Variants in DOCK3 observed in about 807,000 individuals in gnomAD.
DOCK3 encodes the protein dedicator of cytokinesis protein 3.
DOCK3 carries 60 observed loss-of-function variants against 265.6 expected under a neutral mutation model. The ratio of observed to expected loss-of-function variants is 0.23; its 90% CI spans 0.18 to 0.28. The LOEUF (loss-of-function observed/expected upper bound fraction) is 0.28. DOCK3 is among the 10% of genes least tolerant of loss of function. The pLI, the probability that DOCK3 is intolerant of heterozygous loss-of-function variation, is 1.00. For missense variants in DOCK3, 1,981 were observed against 2,594.3 expected, an observed-to-expected ratio of 0.76 and a Z score of 5.14; for synonymous variants, 881 against 938.0, an observed-to-expected ratio of 0.94 and a Z score of 1.11.
At chr3:51,110,709 G>A (rs2083476804) in intron 9 of DOCK3, among the ~76,000 whole-genome samples, 1 of 152,138 alleles carries the variant, frequency 6.6e-6, no homozygotes, top group Non-Finnish European at 1.5e-5. Flanking sequence ...AGCCATCTAT[G>A]ACAAACCCAC....
intron 43 of DOCK3, 69 bp from the exon 44 acceptor site, chr3:51,356,893 C>A: frequency 6.7e-7 from 1 of 1,499,670 alleles, no homozygotes; most frequent in Non-Finnish European, 8.9e-7. Flanking sequence ...TCTTAGACCC[C>A]AGCTCTCAGG....
At chr3:50,742,651 G>T (rs1160667995) in intron 1 of DOCK3, among the ~76,000 whole-genome samples, 4 of 151,492 alleles carry the variant, frequency 2.6e-5, no homozygotes, top group Non-Finnish European at 5.9e-5. Context: ...AGAGAAAAAA[G>T]AATAAAAAGA....
intron 23 of DOCK3, among the ~76,000 whole-genome samples, chr3:51,269,094 A>T (rs929906961): frequency 5.5e-4 from 78 of 141,106 alleles, no homozygotes; most frequent in South Asian, 8.9e-4. Context: ...GAGTTTCACA[A>T]CTCTCTCTCT....
At chr3:50,694,289 AT>A (rs566162941) in intron 1 of DOCK3, among the ~76,000 whole-genome samples, 143 of 152,264 alleles carry the variant, frequency 9.4e-4, no homozygotes, top group African/African-American at 3.3e-3. Flanking sequence ...TAAAAAAAAA[AT>A]AAAAATAAAA....
intron 10 of DOCK3, among the ~76,000 whole-genome samples, chr3:51,156,153 T>A (rs2085841126): frequency 2.0e-5 from 3 of 152,226 alleles, no homozygotes. Context: ...ATGAATAAGC[T>A]GGTTTTATTT....
At chr3:51,227,542 A>G (rs751210106) in intron 16 of DOCK3, 97 bp downstream of exon 16, 15 of 1,520,096 alleles carry the variant, frequency 9.9e-6, no homozygotes, top group Non-Finnish European at 1.3e-5. Context: ...TTTGGGCAAG[A>G]AAATGAAGAG....
intron 4 of DOCK3, among the ~76,000 whole-genome samples, chr3:50,899,110 C>G (rs191527731): frequency 9.2e-5 from 14 of 152,268 alleles, no homozygotes; most frequent in African/African-American, 3.4e-4. Flanking sequence ...GTGTGGGAGT[C>G]TAAGTCTCTT....
At chr3:50,802,385 G>A (rs1433876720) in intron 2 of DOCK3, among the ~76,000 whole-genome samples, 5 of 151,906 alleles carry the variant, frequency 3.3e-5, no homozygotes, top group African/African-American at 7.3e-5. Flanking sequence ...ATGTTTTATC[G>A]ATGGTGGTTA....
chr3:51,169,800 G>A (rs1560155869), intron 12 of DOCK3, among the ~76,000 whole-genome samples: 1 of 151,772 alleles, frequency 6.6e-6, no homozygotes, highest in Non-Finnish European at 1.5e-5. Flanking sequence ...TCTTAATGTG[G>A]TACGTCACAT....
At chr3:51,319,384 C>T (rs1161650563) in intron 32 of DOCK3, among the ~76,000 whole-genome samples, 4 of 126,614 alleles carry the variant, frequency 3.2e-5, no homozygotes, top group Non-Finnish European at 3.3e-5. Context: ...GTGCAAAATG[C>T]ACAACACTTG....
At chr3:50,975,535 C>T (rs1166228907) in intron 5 of DOCK3, among the ~76,000 whole-genome samples, 8 of 151,294 alleles carry the variant, frequency 5.3e-5, no homozygotes, top group Non-Finnish European at 1.5e-5. Context: ...CTGCTGGATT[C>T]GTTTTGCCAG....
intron 12 of DOCK3, among the ~76,000 whole-genome samples, chr3:51,189,418 C>T (rs1271698414): frequency 6.6e-6 from 1 of 151,088 alleles, no homozygotes; most frequent in Non-Finnish European, 1.5e-5. Context: ...CTCTCTCCCA[C>T]CCTCCCCTTT....
chr3:51,048,872 A>C (rs564076434), intron 5 of DOCK3, among the ~76,000 whole-genome samples: 7 of 151,724 alleles, frequency 4.6e-5, no homozygotes, highest in African/African-American at 1.5e-4. Flanking sequence ...CAAAAAAAAA[A>C]AACAACTATG....
intron 12 of DOCK3, among the ~76,000 whole-genome samples, chr3:51,167,653 T>A: frequency 6.6e-6 from 1 of 152,180 alleles, no homozygotes; most frequent in East Asian, 1.9e-4. Flanking sequence ...TTTCAGTAAA[T>A]AGATCATTCA....
chr3:50,884,090 C>CTT (rs547602978), intron 3 of DOCK3, among the ~76,000 whole-genome samples: 2 of 140,118 alleles, frequency 1.4e-5, no homozygotes, highest in Non-Finnish European at 3.1e-5. Flanking sequence ...ATATACCATT[C>CTT]TTTTTTTTTT....
chr3:51,285,422 C>T (rs184669615), intron 27 of DOCK3, among the ~76,000 whole-genome samples: 4 of 151,614 alleles, frequency 2.6e-5, no homozygotes, highest in South Asian at 2.1e-4. Context: ...TCACTGAGGT[C>T]GGGAGAGCAA....
chr3:50,912,748 G>C (rs1406099809), intron 4 of DOCK3, among the ~76,000 whole-genome samples: 1 of 152,010 alleles, frequency 6.6e-6, no homozygotes, highest in Non-Finnish European at 1.5e-5. Context: ...GGCCCACAGG[G>C]AGTACTGCCA....
chr3:50,740,971 A>G (rs187661396), intron 1 of DOCK3, among the ~76,000 whole-genome samples: 3 of 152,250 alleles, frequency 2.0e-5, no homozygotes, highest in East Asian at 1.9e-4. Flanking sequence ...GTCAACACCC[A>G]TGAGACAATA....
chr3:50,991,527 A>G (rs1575697287), intron 5 of DOCK3, among the ~76,000 whole-genome samples: 1 of 152,272 alleles, frequency 6.6e-6, no homozygotes, highest in Non-Finnish European at 1.5e-5. Context: ...TCAATTCGAC[A>G]AGAAGACTTA....
Sources: gnomAD v4.1 joint callset for allele counts (sites outside exome capture counted in the v4.1 genomes callset) on GRCh38, gnomAD v4.1.1 for gene constraint, MANE v1.5 for transcripts, NCBI Gene and HGNC (gene_info 2026-07-23, HGNC 2026-07-21) for gene names.